Variants in NIPSNAP2 observed in about 807,000 individuals in gnomAD.
NIPSNAP2 encodes protein NipSnap homolog 2.
Under a neutral mutation model 48.4 loss-of-function variants are expected in NIPSNAP2, and 42 were observed. That is an observed-to-expected ratio of 0.87 (90% CI 0.68 to 1.12). The LOEUF (loss-of-function observed/expected upper bound fraction) is 1.12, where lower values mean the gene tolerates loss of function less well. Among genes scored for constraint, NIPSNAP2 ranks in the 50% most tolerant of loss-of-function variants. The probability of loss-of-function intolerance (pLI) is 0.00; values close to 1 mark genes in which losing one functional copy is unlikely to be tolerated. For synonymous variants in NIPSNAP2, 158 were observed against 126.6 expected (o/e 1.25, Z -1.67); for missense variants, 314 against 347.3 (o/e 0.90, Z 0.76).
chr7:55,982,166 T>C, intron 4 of NIPSNAP2, 44 bp from the exon 5 acceptor site: 1 of 1,219,514 alleles, frequency 8.2e-7, no homozygotes, highest in Non-Finnish European at 1.2e-6. Context: ...AGTAGTAGTA[T>C]CATGAAATTC....
At chr7:55,973,462 T>A (rs955123418) in intron 1 of NIPSNAP2, among the ~76,000 whole-genome samples, 3 of 151,654 alleles carry the variant, frequency 2.0e-5, no homozygotes, top group African/African-American at 4.8e-5. Context: ...TTTTAATTTA[T>A]TTTATTTTAT....
At position 55,978,207 on chromosome 7, in the gene NIPSNAP2, A is replaced by C. The variant is rs1222278680; in HGVS notation, c.174A>C (p.Lys58Asn). 1 of 1,614,084 alleles carries C rather than the reference A, an allele frequency of 6.2e-7. No homozygotes were observed. Among genetic ancestry groups the C allele is most frequent in the African/African-American group, 1.3e-5 (1 of 74,948 alleles). ...SLFVRKVDPR[K>N]DAHSNLLAKK... ...TTGTCCGGAAAGTTGATCCAAGAAAAGATGCCCACTCCAATCTCCTAGCCA... is the reference window on the plus strand; with the variant it reads ...TTGTCCGGAAAGTTGATCCAAGAAACGATGCCCACTCCAATCTCCTAGCCA... The change falls in exon 2 of 10, where the codon AAA becomes AAC. Residue 58 changes from lysine (K) to asparagine (N), a missense_variant. Around this residue, in one of 2 missense-constraint regions of NIPSNAP2, gnomAD observed 198 missense variants for 185.5 expected, o/e 1.07. Transcript: ENST00000322090.
intron 1 of NIPSNAP2, among the ~76,000 whole-genome samples, chr7:55,965,513 T>G (rs1158314530): frequency 6.6e-6 from 1 of 152,176 alleles, no homozygotes; most frequent in Non-Finnish European, 1.5e-5. Flanking sequence ...AGGAACTGTG[T>G]GTTAAACTCG....
At chr7:55,968,868 C>T (rs1428638369) in intron 1 of NIPSNAP2, among the ~76,000 whole-genome samples, 1 of 151,678 alleles carries the variant, frequency 6.6e-6, no homozygotes, top group East Asian at 1.9e-4. Flanking sequence ...TCTACTAAAA[C>T]TACAACATTT....
At chr7:55,990,973 TAG>T (rs894170597) in intron 7 of NIPSNAP2, among the ~76,000 whole-genome samples, 2 of 152,030 alleles carry the variant, frequency 1.3e-5, no homozygotes, top group African/African-American at 4.8e-5. Flanking sequence ...GTATTTTTAG[TAG>T]AGACAGAGTT....
chr7:55,985,745 CAAAAA>C (rs11290048), intron 7 of NIPSNAP2, among the ~76,000 whole-genome samples: 2 of 89,664 alleles, frequency 2.2e-5, no homozygotes, highest in Admixed American at 1.3e-4. Context: ...GACCCTGTCT[CAAAAA>C]AAAAAAAAAA....
chr7:55,969,142 G>A (rs1786961215), intron 1 of NIPSNAP2, among the ~76,000 whole-genome samples: 1 of 152,170 alleles, frequency 6.6e-6, no homozygotes, highest in Non-Finnish European at 1.5e-5. Context: ...ATGCAGGGCA[G>A]AAAAGTCTTG....
chr7:55,968,049 C>G (rs954247981), intron 1 of NIPSNAP2, among the ~76,000 whole-genome samples: 1 of 152,128 alleles, frequency 6.6e-6, no homozygotes, highest in Non-Finnish European at 1.5e-5. Context: ...CTCCGCCTCC[C>G]AAAGTTCTAG....
intron 3 of NIPSNAP2, chr7:55,980,106 G>A (rs899255339): frequency 4.8e-6 from 1 of 210,466 alleles, no homozygotes; most frequent in Non-Finnish European, 1.0e-5. Flanking sequence ...GGAAATGTTG[G>A]ACATACATTT....
chr7:55,978,407 A>T lies in NIPSNAP2; in HGVS notation c.278+12A>T, dbSNP rs1337944925. The stretch of plus-strand genomic sequence containing the variant: ...TACAACAAAATTTGGTGTGTATACC[A>T]AACTATCCTTTACTTGGGGAAAAAT... On this transcript the variant is annotated intron_variant, in intron 3 of 9. Transcript: ENST00000322090. The T allele has an allele frequency of 6.2e-7, 1 of 1,602,958 alleles. No individual in the cohort carries two copies. The highest frequency in any genetic ancestry group is 1.1e-5 in the South Asian group (1 of 89,208).
rs762940263 is a variant in NIPSNAP2, at chr7:55,994,843, G to A, written c.618-51G>A. ...GTGAAGGTTTAGTCTACCGATTCTC[G>A]TTAGCGTATCTAATTCAGTGTCTTA... On this transcript the variant is annotated intron_variant, in intron 7 of 9. Transcript: ENST00000322090. 21 of 1,471,848 alleles carry A rather than the reference G, an allele frequency of 1.4e-5. No individual in the cohort carries two copies. In the East Asian group the frequency reaches 3.2e-4, roughly 22 times the overall value. The allele number at this position is 1,471,848 out of a possible 1,614,324, so 91.2% of individuals were successfully genotyped here.
intron 5 of NIPSNAP2, among the ~76,000 whole-genome samples, chr7:55,982,865 G>A (rs1245344352): frequency 6.6e-6 from 1 of 152,014 alleles, no homozygotes; most frequent in Admixed American, 6.6e-5. Flanking sequence ...ACTCATGCTT[G>A]TAATCCCAGC....
At chr7:55,966,108 AG>A (rs1240552786) in intron 1 of NIPSNAP2, among the ~76,000 whole-genome samples, 1 of 152,180 alleles carries the variant, frequency 6.6e-6, no homozygotes, top group Non-Finnish European at 1.5e-5. Flanking sequence ...CTGGGGAAGA[AG>A]AATTCAGAGC....
At chr7:55,975,887 A>G (rs1031957709) in intron 1 of NIPSNAP2, among the ~76,000 whole-genome samples, 1 of 152,090 alleles carries the variant, frequency 6.6e-6, no homozygotes, top group Non-Finnish European at 1.5e-5. Flanking sequence ...AAAATACAAA[A>G]ATTAGCCGTG....
intron 1 of NIPSNAP2, among the ~76,000 whole-genome samples, chr7:55,975,966 G>A (rs1406466858): frequency 6.6e-6 from 1 of 152,210 alleles, no homozygotes; most frequent in African/African-American, 2.4e-5. Flanking sequence ...GAACCTGGGA[G>A]GTGGAGGTTG....
intron 7 of NIPSNAP2, among the ~76,000 whole-genome samples, chr7:55,989,254 C>G (rs537104463): frequency 1.3e-4 from 20 of 152,216 alleles, no homozygotes; most frequent in Non-Finnish European, 2.4e-4. Flanking sequence ...TAACAAAATA[C>G]CAGCTTTCAC....
intron 6 of NIPSNAP2, among the ~76,000 whole-genome samples, chr7:55,984,188 CTG>C (rs1196676203): frequency 6.6e-6 from 1 of 152,162 alleles, no homozygotes. Context: ...CTAATAAACA[CTG>C]TGACTGTTGA....
At chr7:55,989,310 T>C (rs1170812355) in intron 7 of NIPSNAP2, among the ~76,000 whole-genome samples, 1 of 152,178 alleles carries the variant, frequency 6.6e-6, no homozygotes, top group Non-Finnish European at 1.5e-5. Context: ...TATTATAATA[T>C]GAGAAAAGAC....
chr7:55,987,727 T>G (rs1277708664), intron 7 of NIPSNAP2, among the ~76,000 whole-genome samples: 1 of 152,198 alleles, frequency 6.6e-6, no homozygotes, highest in Non-Finnish European at 1.5e-5. Flanking sequence ...TAGTGTATCA[T>G]TCTCCTTATG....
Sources: gnomAD v4.1 joint callset for allele counts (sites outside exome capture counted in the v4.1 genomes callset) on GRCh38, gnomAD v4.1.1 for gene constraint, gnomAD v4.1.1 regional missense constraint, MANE v1.5 for transcripts, NCBI Gene and HGNC (gene_info 2026-07-23, HGNC 2026-07-21) for gene names.